SKAP2: variants seen among roughly 807,000 people sequenced by gnomAD.
The protein encoded by SKAP2 is src kinase-associated phosphoprotein 2.
Under a neutral mutation model 54.9 loss-of-function variants are expected in SKAP2, and 28 were observed. The observed-to-expected ratio is 0.51, with a 90% CI of 0.38 to 0.70. The LOEUF (loss-of-function observed/expected upper bound fraction) is 0.70, where lower values mean the gene tolerates loss of function less well. Ranked by LOEUF, SKAP2 falls within the 30% of genes least tolerant of loss-of-function variation. SKAP2 has a pLI of 0.00. For missense variants in SKAP2, 356 were observed against 424.1 expected (o/e 0.84, Z 1.41); for synonymous variants, 137 against 134.3 (o/e 1.02, Z -0.14).
intron 4 of SKAP2, among the ~76,000 whole-genome samples, chr7:26,802,457 G>A (rs1584398384): frequency 6.6e-6 from 1 of 151,950 alleles, no homozygotes; most frequent in East Asian, 2.0e-4. Context: ...TTTTAGTAGA[G>A]ACAGGGTTTC....
intron 4 of SKAP2, among the ~76,000 whole-genome samples, chr7:26,818,005 A>G (rs1784308180): frequency 6.6e-6 from 1 of 152,214 alleles, no homozygotes. Context: ...GAAAATGGCC[A>G]TACTACCCAA....
intron 1 of SKAP2, among the ~76,000 whole-genome samples, chr7:26,855,897 G>C (rs538388534): frequency 2.6e-5 from 4 of 152,170 alleles, no homozygotes; most frequent in African/African-American, 7.2e-5. Flanking sequence ...ATTTCATATG[G>C]AAGGGATTTG....
In SKAP2 at chr7:26,781,780, C is replaced by T. The variant is rs147830410; in HGVS notation, c.308-41816G>A. On this transcript the variant is annotated intron_variant, in intron 4 of 12. Coordinates refer to ENST00000345317, the MANE Select transcript of SKAP2 (RefSeq NM_003930.5). ...ACTTCTGTCTTGGTTAGCACCTCCA[C>T]CACTTTTCTAGACCAGCCATTGTCA... Among the ~76,000 whole-genome samples the T allele has an allele frequency of 4.5e-3, 690 of 152,266 alleles. 5 individuals carry two copies. Among genetic ancestry groups the T allele is most frequent in the African/African-American group, 0.016 (649 of 41,556 alleles).
chr7:26,764,041 T>A (rs916780847), intron 4 of SKAP2, among the ~76,000 whole-genome samples: 42 of 152,180 alleles, frequency 2.8e-4, no homozygotes, highest in African/African-American at 9.7e-4. Context: ...CCAGCCTTTT[T>A]TAAAAAAATA....
At chr7:26,753,899 AT>A (rs756175745) in intron 4 of SKAP2, among the ~76,000 whole-genome samples, 5 of 152,180 alleles carry the variant, frequency 3.3e-5, no homozygotes, top group African/African-American at 1.2e-4. Context: ...CAAAGAGGTC[AT>A]CCTTATATTT....
rs556963795 is a variant in SKAP2, at chr7:26,830,711, A to G, written c.307+13319T>C. ...TTTATGTTATTTTTAAATCTATAGC[A>G]TACTTAATTTTTCCTCAAGTGTGAA... On this transcript the variant is annotated intron_variant, in intron 4 of 12. Transcript: ENST00000345317. 2.2e-3 allele frequency among the ~76,000 whole-genome samples: 331 copies of G among 152,280 alleles called. 1 individual carries two copies. Among genetic ancestry groups the G allele is most frequent in the African/African-American group, 7.6e-3 (317 of 41,568 alleles).
intron 11 of SKAP2, among the ~76,000 whole-genome samples, chr7:26,684,325 C>T (rs1263105698): frequency 6.6e-6 from 1 of 152,082 alleles, no homozygotes; most frequent in African/African-American, 2.4e-5. Context: ...AGATGAAAAA[C>T]TTGTTCTATA....
At chr7:26,716,805 G>C (rs6964817) in intron 9 of SKAP2, among the ~76,000 whole-genome samples, 124,201 of 152,170 alleles carry the variant, frequency 0.82, 51,287 homozygotes, top group African/African-American at 0.95. Flanking sequence ...CCTCTCCTCC[G>C]TCCTTCTGAA....
At chr7:26,775,928 C>T (rs953743016) in intron 4 of SKAP2, among the ~76,000 whole-genome samples, 1 of 152,024 alleles carries the variant, frequency 6.6e-6, no homozygotes, top group Non-Finnish European at 1.5e-5. Context: ...TTGTTTCTAC[C>T]TGGCTTTTTA....
intron 3 of SKAP2, among the ~76,000 whole-genome samples, chr7:26,852,049 T>C (rs1374209840): frequency 6.6e-6 from 1 of 152,108 alleles, no homozygotes; most frequent in Non-Finnish European, 1.5e-5. Flanking sequence ...AAGGTTATGT[T>C]CACAATGTGA....
intron 9 of SKAP2, among the ~76,000 whole-genome samples, chr7:26,697,792 C>T (rs1248804669): frequency 6.6e-6 from 1 of 152,126 alleles, no homozygotes; most frequent in Non-Finnish European, 1.5e-5. Context: ...TTAACACCTT[C>T]TTCTAGGCTA....
At chr7:26,697,703 C>T (rs1786925940) in intron 9 of SKAP2, among the ~76,000 whole-genome samples, 1 of 151,780 alleles carries the variant, frequency 6.6e-6, no homozygotes, top group African/African-American at 2.4e-5. Flanking sequence ...AAAGCAGTAT[C>T]TACTCATTGC....
At position 26,708,354 on chromosome 7, in the gene SKAP2, T is replaced by G. The variant is rs1027521554; in HGVS notation, c.796+17074A>C. Among the ~76,000 whole-genome samples, 3 of 152,300 alleles carry G rather than the reference T, an allele frequency of 2.0e-5. No individual in the cohort carries two copies. The South Asian group carries it at 6.2e-4, about 32-fold the overall frequency. Reference sequence around the variant, plus strand: ...CCACCACTTCCTTTGGAAAGTCTTTTTTTATTATTGTAGGGGCAAAAAAAA... The same window carrying G: ...CCACCACTTCCTTTGGAAAGTCTTTGTTTATTATTGTAGGGGCAAAAAAAA... On this transcript the variant is annotated intron_variant, in intron 9 of 12. Coordinates refer to ENST00000345317, the MANE Select transcript of SKAP2 (RefSeq NM_003930.5).
At chr7:26,744,755 A>AACACACAC (rs944490580) in intron 4 of SKAP2, among the ~76,000 whole-genome samples, 1 of 150,320 alleles carries the variant, frequency 6.7e-6, no homozygotes, top group African/African-American at 2.5e-5. Flanking sequence ...CACACACACA[A>AACACACAC]ACACACACAC....
At chr7:26,844,255 C>A in intron 3 of SKAP2, 118 bp from the exon 4 acceptor site, 1 of 614,432 alleles carries the variant, frequency 1.6e-6, no homozygotes, top group Non-Finnish European at 2.9e-6. Context: ...TAAATTGAGT[C>A]ATTGTCATGG....
At chr7:26,749,217 T>C (rs1171888918) in intron 4 of SKAP2, among the ~76,000 whole-genome samples, 2 of 152,108 alleles carry the variant, frequency 1.3e-5, no homozygotes, top group Admixed American at 6.6e-5. Flanking sequence ...CAAAAACAAA[T>C]CTGATGCATA....
intron 9 of SKAP2, among the ~76,000 whole-genome samples, chr7:26,710,078 A>G (rs1214961396): frequency 1.3e-5 from 2 of 152,150 alleles, no homozygotes; most frequent in East Asian, 3.8e-4. Context: ...TAATCATCAT[A>G]AAGAGAAAGT....
intron 4 of SKAP2, among the ~76,000 whole-genome samples, chr7:26,828,583 A>C (rs1584413999): frequency 6.6e-6 from 1 of 151,574 alleles, no homozygotes; most frequent in Middle Eastern, 3.4e-3. Context: ...AGGCTGAGGC[A>C]GGAGAATGGC....
At position 26,844,125 on chromosome 7, in the gene SKAP2, T is replaced by C. The variant is rs761724642; in HGVS notation, c.212A>G (p.Asp71Gly). 3.8e-6 allele frequency: 6 copies of C among 1,596,474 alleles called. No individual in the cohort carries two copies. Among genetic ancestry groups the C allele is most frequent in the East Asian group, 2.2e-5 (1 of 44,738 alleles). Residue 71 changes from aspartate to glycine, a missense_variant, in exon 4 of 13, where the codon GAT becomes GGT. Transcript: ENST00000345317. ...QEFQDKGDAE[D>G]GEEYDDPFAG... ...AAAAGGGTCATCATATTCTTCCCCA[T>C]CTTCTGCATCACCTGTTAAAAAAAA...
Sources: allele counts gnomAD v4.1 joint callset (sites outside exome capture counted in the v4.1 genomes callset), GRCh38; gene constraint gnomAD v4.1.1; transcripts MANE v1.5; gene names NCBI Gene and HGNC (gene_info 2026-07-23, HGNC 2026-07-21).